The following HFM1 variants were observed in gnomAD, a reference collection of about 807,000 sequenced individuals.
HFM1 encodes helicase for meiosis 1.
Under a neutral mutation model 192.1 loss-of-function variants are expected in HFM1, and 169 were observed. The observed-to-expected ratio is 0.88, with a 90% confidence interval of 0.78 to 1.00. The LOEUF (loss-of-function observed/expected upper bound fraction) is 1.00. Ranked by LOEUF, HFM1 falls within the 50% of genes least tolerant of loss-of-function variation. HFM1 has a pLI of 0.00. For missense variants in HFM1, 1,661 were observed against 1,668.0 expected, an observed-to-expected ratio of 1.00 and a Z score of 0.07; for synonymous variants, 525 against 537.8, an observed-to-expected ratio of 0.98 and a Z score of 0.33.
intron 9 of HFM1, 63 bp from the exon 10 acceptor site, chr1:91,378,543 A>G: frequency 1.0e-6 from 1 of 1,004,112 alleles, no homozygotes; most frequent in South Asian, 1.6e-5. Flanking sequence ...AAATATTAAG[A>G]TATCAAAAAC....
chr1:91,379,144 C>G lies in HFM1; in HGVS notation c.1077G>C (p.Leu359Phe), dbSNP rs1661253410. 1.2e-6 allele frequency: 2 copies of G among 1,608,698 alleles called. No individual in the cohort carries two copies. The highest frequency in any genetic ancestry group is 4.5e-5 in the East Asian group (2 of 44,682). Residue 359 changes from leucine (L) to phenylalanine (F), a missense_variant, in exon 9 of 39, where the codon TTG becomes TTC. Leu to Phe is a conservative substitution (Grantham distance 22). Coordinates refer to ENST00000370425, the MANE Select transcript of HFM1 (RefSeq NM_001017975.6). ...DWKEKFGPIG[L>F]NCKELTGDTV... is the part of the protein sequence containing the mutation. ...TATCTCCAGTAAGTTCTTTACAATTCAATCCTATTGGTCCAAATTTTTCTT... is the reference window on the plus strand; with the variant it reads ...TATCTCCAGTAAGTTCTTTACAATTGAATCCTATTGGTCCAAATTTTTCTT...
chr1:91,310,092 T>C (rs1381973251), intron 30 of HFM1, among the ~76,000 whole-genome samples: 1 of 152,062 alleles, frequency 6.6e-6, no homozygotes, highest in Non-Finnish European at 1.5e-5. Flanking sequence ...CTGGTATATC[T>C]AGATGGTATG....
At chr1:91,292,208 T>G (rs1051971104) in intron 30 of HFM1, among the ~76,000 whole-genome samples, 79 of 150,548 alleles carry the variant, frequency 5.2e-4, no homozygotes, top group African/African-American at 1.9e-3. Context: ...CCAGGGCAAT[T>G]AGGCAGGAGA....
chr1:91,392,490 G>A (rs867430633), intron 4 of HFM1, among the ~76,000 whole-genome samples: 3 of 152,198 alleles, frequency 2.0e-5, no homozygotes, highest in Middle Eastern at 3.4e-3. Flanking sequence ...GCAAACTGTC[G>A]TAAGGAAAGA....
At chr1:91,371,681 G>T (rs1286468786) in intron 13 of HFM1, among the ~76,000 whole-genome samples, 1 of 142,366 alleles carries the variant, frequency 7.0e-6, no homozygotes, top group African/African-American at 2.6e-5. Flanking sequence ...CATAGGCATG[G>T]GCAAGGACTT....
intron 30 of HFM1, among the ~76,000 whole-genome samples, chr1:91,304,276 C>T (rs181041511): frequency 1.0e-3 from 154 of 152,164 alleles, no homozygotes; most frequent in African/African-American, 3.5e-3. Context: ...TCTCCCATTC[C>T]GTGGGTTGTC....
chr1:91,280,553 T>C (rs780772546), intron 30 of HFM1, among the ~76,000 whole-genome samples: 41 of 152,230 alleles, frequency 2.7e-4, no homozygotes, highest in Non-Finnish European at 4.4e-4. Context: ...TGAGGAGCTA[T>C]CAAAGGCCAT....
At chr1:91,403,262 T>C (rs1233710526) in intron 1 of HFM1, among the ~76,000 whole-genome samples, 1 of 152,148 alleles carries the variant, frequency 6.6e-6, no homozygotes, top group East Asian at 1.9e-4. Context: ...AAGAATGCAT[T>C]GTGGAATAAA....
At chr1:91,354,943 T>C (rs1012743522) in intron 13 of HFM1, among the ~76,000 whole-genome samples, 15 of 152,152 alleles carry the variant, frequency 9.9e-5, no homozygotes, top group African/African-American at 3.4e-4. Flanking sequence ...AAATTCAGAA[T>C]GTGCCACCAC....
At position 91,379,165 on chromosome 1, in the gene HFM1, T is replaced by G. The variant is rs1333934810; in HGVS notation, c.1056A>C (p.Glu352Asp). 4.3e-6 allele frequency: 7 copies of G among 1,609,716 alleles called. No individual in the cohort carries two copies. Among genetic ancestry groups the G allele is most frequent in the Non-Finnish European group, 5.1e-6 (6 of 1,177,760 alleles). ...AATTCAATCCTATTGGTCCAAATTT[T>G]TCTTTCCAGTCATCAAAACGCTGAC... ...LCSQRFDDWKEKFGPIGLNCK... is the reference protein window; with the variant it reads ...LCSQRFDDWKDKFGPIGLNCK... The change falls in exon 9 of 39, where the codon GAA becomes GAC. Residue 352 changes from glutamate (E) to aspartate (D), a missense_variant. Glu to Asp is a conservative substitution (Grantham distance 45). Transcript: ENST00000370425.
chr1:91,395,246 C>T (rs777935819), intron 3 of HFM1, among the ~76,000 whole-genome samples: 4 of 151,880 alleles, frequency 2.6e-5, no homozygotes, highest in Non-Finnish European at 4.4e-5. Context: ...GGTTACCAGG[C>T]GATCTTACCT....
At position 91,385,249 on chromosome 1, in the gene HFM1, C is replaced by T; in HGVS notation, c.755-15G>A. 6.9e-7 allele frequency: 1 copy of T among 1,459,396 alleles called. No individual in the cohort carries two copies. The highest frequency in any genetic ancestry group is 9.5e-7 in the Non-Finnish European group (1 of 1,051,344). 90.4% of individuals were successfully genotyped at this position (1,459,396 alleles called of 1,614,324 possible). A position where few individuals can be genotyped will look rare whatever the true frequency, so the allele number is the denominator to read the frequency against. On this transcript the variant is annotated splice_polypyrimidine_tract_variant and intron_variant, in intron 5 of 38. Coordinates refer to ENST00000370425, the MANE Select transcript of HFM1 (RefSeq NM_001017975.6). ...TTCTGTTACCTCTGAAAAAAAAATG[C>T]TACATATTTATATAAATATCAAAAA... is the stretch of plus-strand genomic sequence containing the variant.
rs61550398 is a variant in HFM1 at position 91,364,632 on chromosome 1, A to ATTTTT, written c.1685+10721_1685+10725dup. Among the ~76,000 whole-genome samples, 310 of 66,744 alleles carry ATTTTT rather than the reference A, an allele frequency of 4.6e-3. 6 individuals are homozygous for ATTTTT. Among genetic ancestry groups the ATTTTT allele is most frequent in the Non-Finnish European group, 5.8e-3 (227 of 39,274 alleles). 43.8% of individuals were successfully genotyped at this position (66,744 alleles called of 152,430 possible). The stretch of plus-strand genomic sequence containing the variant: ...CATATATATATATATATATATATAT[A>ATTTTT]TTTTTTTTTTTTTTTTGAGACAGAG... On this transcript the variant is annotated intron_variant, in intron 13 of 38. Coordinates refer to ENST00000370425, the MANE Select transcript of HFM1 (RefSeq NM_001017975.6).
intron 6 of HFM1, among the ~76,000 whole-genome samples, chr1:91,383,908 TATC>T (rs1390419602): frequency 3.5e-5 from 4 of 113,130 alleles, no homozygotes; most frequent in South Asian, 3.5e-4. Flanking sequence ...TATTAAAAAA[TATC>T]ATGTTGTACT....
chr1:91,287,961 G>A (rs1668217317), intron 30 of HFM1, among the ~76,000 whole-genome samples: 1 of 151,922 alleles, frequency 6.6e-6, no homozygotes, highest in Non-Finnish European at 1.5e-5. Flanking sequence ...GAAGTTTAGA[G>A]AAAAAAGAAT....
chr1:91,402,265 T>C (rs1664389301), intron 1 of HFM1, among the ~76,000 whole-genome samples: 1 of 152,152 alleles, frequency 6.6e-6, no homozygotes, highest in East Asian at 1.9e-4. Context: ...AGGGAGAATG[T>C]TTCCACATAC....
At chr1:91,373,078 G>C (rs1246528057) in intron 13 of HFM1, among the ~76,000 whole-genome samples, 5 of 151,970 alleles carry the variant, frequency 3.3e-5, no homozygotes, top group Admixed American at 1.3e-4. Context: ...ATAGTATCTA[G>C]AGGGTGAATA....
Position 91,379,211 on chromosome 1 carries a change from G to T in HFM1, c.1010C>A (p.Ala337Glu). 1 of 1,596,756 alleles carries T rather than the reference G, an allele frequency of 6.3e-7. No individual in the cohort carries two copies. Among genetic ancestry groups the T allele is most frequent in the South Asian group, 1.1e-5 (1 of 87,412 alleles). The change falls in exon 9 of 39, where the codon GCA (alanine) becomes GAA (glutamate). Residue 337 changes from alanine to glutamate, a missense_variant. Ala to Glu is a moderately radical substitution (Grantham distance 107). Transcript: ENST00000370425. ...CTGACTGCACAAGGCTTTTATTGGTGCCACTGTAACAATATAAAATATTTA... is the reference window on the plus strand; with the variant it reads ...CTGACTGCACAAGGCTTTTATTGGTTCCACTGTAACAATATAAAATATTTA... ...PWLNIKIVYM[A>E]PIKALCSQRF...
intron 4 of HFM1, among the ~76,000 whole-genome samples, chr1:91,390,336 T>TGAGGCAGGAGAATTGCCTGAACCTGG (rs1662791425): frequency 6.6e-6 from 1 of 150,998 alleles, no homozygotes; most frequent in Non-Finnish European, 1.5e-5. Flanking sequence ...CTCGGGAGGC[T>TGAGGCAGGAGAATTGCCTGAACCTGG]GAGGCAGGAG....
Sources: allele counts gnomAD v4.1 joint callset (sites outside exome capture counted in the v4.1 genomes callset), GRCh38; gene constraint gnomAD v4.1.1; transcripts MANE v1.5; gene names NCBI Gene and HGNC (gene_info 2026-07-23, HGNC 2026-07-21).